Variants in HS2ST1 observed in about 807,000 individuals in gnomAD.
The protein encoded by HS2ST1 is heparan sulfate 2-O-sulfotransferase 1.
HS2ST1 carries 18 observed loss-of-function variants against 42.9 expected under a neutral mutation model. The ratio of observed to expected loss-of-function variants is 0.42; its 90% CI spans 0.29 to 0.62. The LOEUF is 0.62. Among genes scored for constraint, HS2ST1 ranks in the 20% least tolerant of loss-of-function variants. The pLI, the probability that HS2ST1 is intolerant of heterozygous loss-of-function variation, is 0.21. For synonymous variants in HS2ST1, 146 were observed against 152.9 expected (o/e 0.95, Z 0.33); for missense variants, 334 against 433.8 (o/e 0.77, Z 2.04).
intron 1 of HS2ST1, among the ~76,000 whole-genome samples, chr1:86,920,530 A>G (rs1182407150): frequency 6.6e-6 from 1 of 152,154 alleles, no homozygotes; most frequent in African/African-American, 2.4e-5. Context: ...TAGGATGTCT[A>G]GTGCCATGGA....
At chr1:87,013,022 A>C (rs1459448704) in intron 1 of HS2ST1, among the ~76,000 whole-genome samples, 1 of 152,120 alleles carries the variant, frequency 6.6e-6, no homozygotes, top group Non-Finnish European at 1.5e-5. Flanking sequence ...CTCCCTTGTG[A>C]CTGTGTTCAT....
intron 1 of HS2ST1, among the ~76,000 whole-genome samples, chr1:86,951,725 G>T (rs1445679341): frequency 6.6e-6 from 1 of 152,222 alleles, no homozygotes; most frequent in East Asian, 1.9e-4. Context: ...ACGGAGTGCT[G>T]TTTGATAGCA....
chr1:87,020,224 A>G (rs1364856045), intron 1 of HS2ST1, among the ~76,000 whole-genome samples: 3 of 152,210 alleles, frequency 2.0e-5, no homozygotes, highest in Non-Finnish European at 4.4e-5. Context: ...TTGGCTCTAA[A>G]GTTGAGGGAT....
chr1:87,006,668 A>C (rs946501444), intron 1 of HS2ST1, among the ~76,000 whole-genome samples: 6 of 152,150 alleles, frequency 3.9e-5, no homozygotes, highest in African/African-American at 1.4e-4. Flanking sequence ...ATTAAAGCTT[A>C]AGATTGCCAT....
chr1:87,073,242 G>A (rs1260372234), intron 2 of HS2ST1, 70 bp downstream of exon 2: 7 of 1,081,956 alleles, frequency 6.5e-6, no homozygotes, highest in Non-Finnish European at 9.9e-6. Context: ...AGCTCAAGGG[G>A]ATAAAGTATT....
intron 1 of HS2ST1, among the ~76,000 whole-genome samples, chr1:87,062,221 T>C (rs1028159241): frequency 2.6e-5 from 4 of 152,184 alleles, no homozygotes; most frequent in African/African-American, 7.2e-5. Context: ...AAATTTCCCT[T>C]GACATTTCTA....
intron 1 of HS2ST1, among the ~76,000 whole-genome samples, chr1:86,981,035 C>CT (rs1269702323): frequency 6.6e-6 from 1 of 152,066 alleles, no homozygotes; most frequent in African/African-American, 2.4e-5. Flanking sequence ...CCTCAGGAAA[C>CT]TTACAATCAT....
Position 86,987,274 on chromosome 1 carries a change from C to T in HS2ST1, c.124+72114C>T, listed in dbSNP as rs920003102. Among the ~76,000 whole-genome samples, 10 of 151,894 alleles carry T rather than the reference C, an allele frequency of 6.6e-5. No homozygotes were observed. The East Asian group carries it at 1.9e-3, about 30-fold the overall frequency. ...GTATTTTAGTAGAGACAGGGTTTTA[C>T]CATGTCATCCAGGCTGGTCTCGAAC... On this transcript the variant is annotated intron_variant, in intron 1 of 6. Coordinates refer to ENST00000370550, the MANE Select transcript of HS2ST1 (RefSeq NM_012262.4).
At position 86,924,526 on chromosome 1, in the gene HS2ST1, C is replaced by G. The variant is rs921922252; in HGVS notation, c.124+9366C>G. Among the ~76,000 whole-genome samples the G allele has an allele frequency of 5.8e-4, 89 of 152,194 alleles. 1 individual carries two copies. The highest frequency in any genetic ancestry group is 5.9e-5 in the Non-Finnish European group (4 of 68,044). On this transcript the variant is annotated intron_variant, in intron 1 of 6. Transcript: ENST00000370550. The stretch of plus-strand genomic sequence containing the variant: ...CCACAGCAAACTTCTGCTTGGGTAT[C>G]CAGGTGTTTCCATACATCTTCTGAA...
At chr1:87,013,066 T>A (rs1054134066) in intron 1 of HS2ST1, among the ~76,000 whole-genome samples, 4 of 152,226 alleles carry the variant, frequency 2.6e-5, no homozygotes, top group Non-Finnish European at 5.9e-5. Context: ...CTTTTCCAGG[T>A]GCACAATGCA....
chr1:86,989,693 T>C (rs1209484414), intron 1 of HS2ST1, among the ~76,000 whole-genome samples: 2 of 152,154 alleles, frequency 1.3e-5, no homozygotes, highest in African/African-American at 2.4e-5. Flanking sequence ...CTACATTAGG[T>C]ATTTCTCCTA....
chr1:86,988,382 CT>C (rs1312049218), intron 1 of HS2ST1, among the ~76,000 whole-genome samples: 6 of 152,382 alleles, frequency 3.9e-5, no homozygotes, highest in Non-Finnish European at 8.8e-5. Context: ...AGACATTCTG[CT>C]TTGCTTACCT....
At chr1:86,993,223 A>G (rs1649009427) in intron 1 of HS2ST1, 1 of 1,432,864 alleles carries the variant, frequency 7.0e-7, no homozygotes, top group East Asian at 2.5e-5. Context: ...ACAGTTTGTA[A>G]TGTATGCAAC....
chr1:87,059,103 C>T (rs1415605146), intron 1 of HS2ST1, among the ~76,000 whole-genome samples: 4 of 152,108 alleles, frequency 2.6e-5, no homozygotes, highest in Non-Finnish European at 5.9e-5. Context: ...GTTCCTGGCT[C>T]ACAGTAAAGG....
At chr1:87,062,300 A>AT (rs568460277) in intron 1 of HS2ST1, among the ~76,000 whole-genome samples, 15 of 147,940 alleles carry the variant, frequency 1.0e-4, no homozygotes, top group South Asian at 8.5e-4. Flanking sequence ...GGTTACTTAT[A>AT]TTTTTTTTTA....
At chr1:86,939,865 G>T (rs1432209893) in intron 1 of HS2ST1, among the ~76,000 whole-genome samples, 2 of 152,118 alleles carry the variant, frequency 1.3e-5, no homozygotes, top group African/African-American at 4.8e-5. Flanking sequence ...ACCACATTTG[G>T]CCAAAAGACC....
intron 3 of HS2ST1, among the ~76,000 whole-genome samples, chr1:87,090,035 T>G (rs1411178736): frequency 1.3e-5 from 2 of 152,004 alleles, no homozygotes; most frequent in Non-Finnish European, 2.9e-5. Flanking sequence ...GTCTTAAGAA[T>G]GGAATCACTA....
At chr1:87,098,294 A>C (rs2100654548) in intron 5 of HS2ST1, 1 of 998,734 alleles carries the variant, frequency 1.0e-6, no homozygotes, top group Non-Finnish European at 1.2e-6. Context: ...TGTTAAATTA[A>C]GAAAAGGCTT....
At chr1:86,998,189 A>G (rs1291972344) in intron 1 of HS2ST1, among the ~76,000 whole-genome samples, 4 of 152,190 alleles carry the variant, frequency 2.6e-5, no homozygotes, top group Non-Finnish European at 5.9e-5. Flanking sequence ...TTGTTCTTAT[A>G]TATAAACAGC....
Sources: allele counts gnomAD v4.1 joint callset (sites outside exome capture counted in the v4.1 genomes callset), GRCh38; gene constraint gnomAD v4.1.1; transcripts MANE v1.5; gene names NCBI Gene and HGNC (gene_info 2026-07-23, HGNC 2026-07-21).